TAOK1: variants seen among roughly 807,000 people sequenced by gnomAD.
The protein encoded by TAOK1 is serine/threonine-protein kinase TAO1.
A neutral mutation model predicts 138.3 loss-of-function variants in TAOK1; 21 were observed. The observed-to-expected ratio is 0.15, with a 90% confidence interval of 0.11 to 0.22. TAOK1 has a LOEUF of 0.22. Among genes scored for constraint, TAOK1 ranks in the 10% least tolerant of loss-of-function variants. TAOK1 has a pLI of 1.00. For synonymous variants in TAOK1, 361 were observed against 398.4 expected (o/e 0.91, Z 1.12); for missense variants, 651 against 1,227.7 (o/e 0.53, Z 7.02).
chr17:29,495,877 A>T (rs529528926), intron 11 of TAOK1, 150 bp downstream of exon 11: 25 of 674,716 alleles, frequency 3.7e-5, no homozygotes, highest in Middle Eastern at 4.6e-4. Context: ...AGTTAGGAAT[A>T]AAAAAAGGTC....
At chr17:29,394,120 A>G (rs771097998) in intron 1 of TAOK1, among the ~76,000 whole-genome samples, 1 of 138,790 alleles carries the variant, frequency 7.2e-6, no homozygotes, top group Non-Finnish European at 1.5e-5. Context: ...ATAACTAACC[A>G]TGAGTATGAT....
At chr17:29,515,401 G>C (rs1475249520) in intron 15 of TAOK1, among the ~76,000 whole-genome samples, 1 of 152,150 alleles carries the variant, frequency 6.6e-6, no homozygotes, top group East Asian at 1.9e-4. Flanking sequence ...TTTAAAGAAG[G>C]ATGTGTTTTA....
chr17:29,469,959 G>A (rs543994560), intron 3 of TAOK1, among the ~76,000 whole-genome samples: 1 of 152,118 alleles, frequency 6.6e-6, no homozygotes, highest in African/African-American at 2.4e-5. Context: ...GTTCTGTTAA[G>A]GCCTTGTGAA....
At chr17:29,400,289 G>A (rs1322460307) in intron 1 of TAOK1, among the ~76,000 whole-genome samples, 2 of 151,180 alleles carry the variant, frequency 1.3e-5, no homozygotes, top group Non-Finnish European at 2.9e-5. Context: ...AGCTACTTGG[G>A]AGGCTGAGGC....
chr17:29,442,241 T>C (rs2029961966), intron 1 of TAOK1, among the ~76,000 whole-genome samples: 1 of 152,058 alleles, frequency 6.6e-6, no homozygotes, highest in South Asian at 2.1e-4. Context: ...AGATGGGGTC[T>C]CCCTAGTTTG....
intron 1 of TAOK1, among the ~76,000 whole-genome samples, chr17:29,397,829 A>C (rs1037909952): frequency 6.6e-6 from 1 of 150,654 alleles, no homozygotes; most frequent in Non-Finnish European, 1.5e-5. Flanking sequence ...ATACATGTAT[A>C]TATATGTGTA....
In TAOK1 at chr17:29,525,199, G is replaced by A. The variant is rs573098144; in HGVS notation, c.2148+2680G>A. ...ACGATCTCAGCTCACCACAACCTCC[G>A]CCTCCCGGGTTCAAGCAATGCTCCC... is the stretch of plus-strand genomic sequence containing the variant. On this transcript the variant is annotated intron_variant, in intron 17 of 19. Coordinates refer to ENST00000261716, the MANE Select transcript of TAOK1 (RefSeq NM_020791.4). Among the ~76,000 whole-genome samples the A allele has an allele frequency of 3.9e-5, 6 of 152,064 alleles. No individual in the cohort carries two copies. In the South Asian group the frequency reaches 6.2e-4, roughly 16 times the overall value.
intron 18 of TAOK1, among the ~76,000 whole-genome samples, chr17:29,531,489 C>T (rs890651552): frequency 0.014 from 4 of 286 alleles, no homozygotes. Flanking sequence ...AGGCTGCGCG[C>T]CAGTGGCTCA....
Position 29,548,714 on chromosome 17 carries a change from A to C in TAOK1, c.*5692A>C, listed in dbSNP as rs1344828117. ...GTGAAAAATCATGTAATTATCTGTAAATATGTAGCTAACAAATTGACCTAG... is the reference window on the plus strand; with the variant it reads ...GTGAAAAATCATGTAATTATCTGTACATATGTAGCTAACAAATTGACCTAG... On this transcript the variant is annotated 3_prime_UTR_variant, in exon 20 of 20. Transcript: ENST00000261716. The C allele has an allele frequency of 6.6e-6, 1 of 152,158 alleles. No individual in the cohort carries two copies. Among genetic ancestry groups the C allele is most frequent in the Non-Finnish European group, 1.5e-5 (1 of 67,998 alleles). 9.4% of individuals were successfully genotyped at this position (152,158 alleles called of 1,614,324 possible).
chr17:29,472,823 G>T (rs953118465), intron 3 of TAOK1, among the ~76,000 whole-genome samples: 1 of 152,038 alleles, frequency 6.6e-6, no homozygotes. Context: ...TGATCCGCCC[G>T]CCTCGGCCTC....
intron 8 of TAOK1, among the ~76,000 whole-genome samples, chr17:29,486,040 C>A (rs1455957826): frequency 6.6e-6 from 1 of 152,162 alleles, no homozygotes; most frequent in African/African-American, 2.4e-5. Flanking sequence ...AATTGCAGCA[C>A]TTTAGTAGGC....
At chr17:29,516,493 C>G (rs2031817007) in intron 15 of TAOK1, among the ~76,000 whole-genome samples, 1 of 145,382 alleles carries the variant, frequency 6.9e-6, no homozygotes, top group Non-Finnish European at 1.5e-5. Context: ...TGCCACCACA[C>G]CTGGCTAATT....
chr17:29,460,339 T>C, intron 2 of TAOK1, among the ~76,000 whole-genome samples: 1 of 152,108 alleles, frequency 6.6e-6, no homozygotes, highest in East Asian at 1.9e-4. Flanking sequence ...TTACAGGCAT[T>C]TGCCAGCACA....
At chr17:29,442,066 T>G (rs1424334451) in intron 1 of TAOK1, among the ~76,000 whole-genome samples, 1 of 152,038 alleles carries the variant, frequency 6.6e-6, no homozygotes, top group Non-Finnish European at 1.5e-5. Context: ...TGTTTGTTTT[T>G]TTTTGAGACA....
At chr17:29,506,971 A>G (rs955010711) in intron 13 of TAOK1, among the ~76,000 whole-genome samples, 1 of 152,222 alleles carries the variant, frequency 6.6e-6, no homozygotes, top group Non-Finnish European at 1.5e-5. Flanking sequence ...CTTCAAAAAC[A>G]TGCTAAGTGA....
At chr17:29,512,073 A>T (rs2031730487) in intron 15 of TAOK1, 1 of 96,256 alleles carries the variant, frequency 1.0e-5, no homozygotes, top group African/African-American at 4.2e-5. Flanking sequence ...TTTTTTTGAG[A>T]CGGAAGTCTC....
At chr17:29,433,908 ACAG>A (rs1480015385) in intron 1 of TAOK1, among the ~76,000 whole-genome samples, 4 of 152,140 alleles carry the variant, frequency 2.6e-5, no homozygotes, top group African/African-American at 7.2e-5. Flanking sequence ...TTTGGGGGAA[ACAG>A]CAGTCAGAGC....
chr17:29,521,685 C>T (rs2031919148), intron 16 of TAOK1, among the ~76,000 whole-genome samples: 1 of 152,166 alleles, frequency 6.6e-6, no homozygotes, highest in African/African-American at 2.4e-5. Context: ...TGAGTTCATG[C>T]CATTCTCCTG....
intron 1 of TAOK1, among the ~76,000 whole-genome samples, chr17:29,411,396 T>G (rs930870583): frequency 8.7e-5 from 13 of 148,828 alleles, no homozygotes. Flanking sequence ...CGGCCTTCTT[T>G]TTACTGTTTT....
Sources: allele counts gnomAD v4.1 joint callset (sites outside exome capture counted in the v4.1 genomes callset), GRCh38; gene constraint gnomAD v4.1.1; transcripts MANE v1.5; gene names NCBI Gene and HGNC (gene_info 2026-07-23, HGNC 2026-07-21).